Variants in DRC11 observed in about 807,000 individuals in gnomAD.
DRC11 encodes the protein IQ and AAA domain-containing protein 1.
At chr2:236,425,509 G>C in the DRC11 span, among the ~76,000 whole-genome samples, 1 of 151,966 alleles carries the variant, frequency 6.6e-6, no homozygotes. Context: ...TGCTATAGCA[G>C]TCTTTAAATT....
the DRC11 span, chr2:236,488,046 C>T: frequency 1.2e-6 from 2 of 1,604,640 alleles, no homozygotes; most frequent in South Asian, 1.1e-5. Context: ...CACTTTCTTG[C>T]CAAGCATCTT....
At chr2:236,463,893 G>A in the DRC11 span, among the ~76,000 whole-genome samples, 1 of 152,194 alleles carries the variant, frequency 6.6e-6, no homozygotes, top group Non-Finnish European at 1.5e-5. This position sits in a 1 kb window ranked among gnomAD's most constrained non-coding sequence, Gnocchi z 5.0. Context: ...GCTCACCTGG[G>A]TCGAGGGGAT....
the DRC11 span, chr2:236,331,436 G>A: frequency 1.9e-6 from 3 of 1,613,976 alleles, no homozygotes; most frequent in Non-Finnish European, 2.5e-6. This position sits in a 1 kb window ranked among gnomAD's most constrained non-coding sequence, Gnocchi z 4.8. Context: ...GCAGTGAGAG[G>A]TTTATGAATT....
chr2:236,427,765 T>C, the DRC11 span, among the ~76,000 whole-genome samples: 3 of 152,118 alleles, frequency 2.0e-5, no homozygotes, highest in Admixed American at 2.0e-4. This position sits in a 1 kb window ranked among gnomAD's most constrained non-coding sequence, Gnocchi z 5.9. Flanking sequence ...TTCTTTCCTC[T>C]GCTAATTTTG....
chr2:236,408,223 A>G, the DRC11 span: 1 of 800,996 alleles, frequency 1.2e-6, no homozygotes, highest in Non-Finnish European at 2.3e-6. The surrounding 1 kb of genome is among the most constrained non-coding windows in gnomAD (Gnocchi z 5.5). Flanking sequence ...CTTAGAGATC[A>G]ATCTTCTTGT....
At chr2:236,371,726 T>G in the DRC11 span, among the ~76,000 whole-genome samples, 4 of 152,158 alleles carry the variant, frequency 2.6e-5, no homozygotes, top group Admixed American at 2.6e-4. The surrounding 1 kb of genome is among the most constrained non-coding windows in gnomAD (Gnocchi z 5.1). Context: ...CAGGAAGGGC[T>G]CAGGGGGAAA....
the DRC11 span, among the ~76,000 whole-genome samples, chr2:236,387,393 A>G: frequency 6.6e-6 from 1 of 151,834 alleles, no homozygotes; most frequent in East Asian, 1.9e-4. Context: ...TTCTTGTTGA[A>G]TTGATCCCTT....
chr2:236,360,590 T>A, the DRC11 span, among the ~76,000 whole-genome samples: 1 of 152,232 alleles, frequency 6.6e-6, no homozygotes, highest in Non-Finnish European at 1.5e-5. The surrounding 1 kb of genome is among the most constrained non-coding windows in gnomAD (Gnocchi z 5.8). Context: ...GTTAAGCACA[T>A]GGAGGCCACA....
At chr2:236,357,010 ATATAT>A in the DRC11 span, among the ~76,000 whole-genome samples, 752 of 123,140 alleles carry the variant, frequency 6.1e-3, 41 homozygotes, top group African/African-American at 0.021. Context: ...TTATATATTC[ATATAT>A]TATATATCTA....
chr2:236,451,139 C>T, the DRC11 span, among the ~76,000 whole-genome samples: 3 of 152,044 alleles, frequency 2.0e-5, no homozygotes, highest in African/African-American at 7.2e-5. Flanking sequence ...GTTAAAAATA[C>T]ATTTTGCCAC....
the DRC11 span, chr2:236,408,546 C>A: frequency 1.4e-6 from 1 of 729,002 alleles, no homozygotes; most frequent in Admixed American, 1.8e-5. This position sits in a 1 kb window ranked among gnomAD's most constrained non-coding sequence, Gnocchi z 5.5. Flanking sequence ...GCGGGGCCTT[C>A]TTCTGGCGTG....
At chr2:236,504,875 G>T in the DRC11 span, among the ~76,000 whole-genome samples, 1 of 152,186 alleles carries the variant, frequency 6.6e-6, no homozygotes, top group African/African-American at 2.4e-5. This position sits in a 1 kb window ranked among gnomAD's most constrained non-coding sequence, Gnocchi z 5.0. Flanking sequence ...TTCACCTGCT[G>T]TCATGATTGT....
At chr2:236,357,736 TATA>T in the DRC11 span, among the ~76,000 whole-genome samples, 9 of 126,782 alleles carry the variant, frequency 7.1e-5, no homozygotes, top group East Asian at 2.3e-4. Flanking sequence ...TAAATATACA[TATA>T]ATATGTAAAT....
chr2:236,335,694 C>T, the DRC11 span, among the ~76,000 whole-genome samples: 1 of 152,072 alleles, frequency 6.6e-6, no homozygotes, highest in African/African-American at 2.4e-5. The surrounding 1 kb of genome is among the most constrained non-coding windows in gnomAD (Gnocchi z 5.6). Context: ...ATGCTCCAGC[C>T]CCTTTGAATT....
At chr2:236,477,752 G>C in the DRC11 span, among the ~76,000 whole-genome samples, 2 of 151,990 alleles carry the variant, frequency 1.3e-5, no homozygotes, top group African/African-American at 4.8e-5. Context: ...TTTCTTCATG[G>C]TTCAATTTTG....
chr2:236,330,313 G>A, the DRC11 span, among the ~76,000 whole-genome samples: 1 of 152,090 alleles, frequency 6.6e-6, no homozygotes, highest in African/African-American at 2.4e-5. This position sits in a 1 kb window ranked among gnomAD's most constrained non-coding sequence, Gnocchi z 5.5. Context: ...ATTCATTTCT[G>A]TATTGTGTAT....
At chr2:236,461,890 A>G in the DRC11 span, among the ~76,000 whole-genome samples, 2 of 152,142 alleles carry the variant, frequency 1.3e-5, no homozygotes, top group Non-Finnish European at 2.9e-5. This position sits in a 1 kb window ranked among gnomAD's most constrained non-coding sequence, Gnocchi z 4.0. Context: ...AGGAGGAGAC[A>G]GAAGGAACCT....
chr2:236,375,654 C>T, the DRC11 span, among the ~76,000 whole-genome samples: 6 of 152,284 alleles, frequency 3.9e-5, no homozygotes, highest in East Asian at 9.7e-4. This position sits in a 1 kb window ranked among gnomAD's most constrained non-coding sequence, Gnocchi z 4.2. Flanking sequence ...AATAACCACC[C>T]TTTGATCAAA....
At chr2:236,479,960 A>G in the DRC11 span, among the ~76,000 whole-genome samples, 1 of 150,806 alleles carries the variant, frequency 6.6e-6, no homozygotes, top group Admixed American at 6.6e-5. The surrounding 1 kb of genome is among the most constrained non-coding windows in gnomAD (Gnocchi z 4.1). Context: ...TCTGGGAAAC[A>G]CTTTATCTCT....
Sources: allele counts gnomAD v4.1 joint callset (sites outside exome capture counted in the v4.1 genomes callset), GRCh38; gene constraint gnomAD v4.1.1; non-coding constraint Gnocchi (gnomAD v3.1); transcripts MANE v1.5; gene names NCBI Gene and HGNC (gene_info 2026-07-23, HGNC 2026-07-21).